EWSR1: variants seen among roughly 807,000 people sequenced by gnomAD.
EWSR1 encodes EWS RNA binding protein 1, also known as RNA-binding protein EWS.
Under a neutral mutation model 92.1 loss-of-function variants are expected in EWSR1, and 14 were observed. That is an observed-to-expected ratio of 0.15 (90% CI 0.10 to 0.24). The LOEUF (loss-of-function observed/expected upper bound fraction) is 0.24, where lower values mean the gene tolerates loss of function less well. EWSR1 is among the 10% of genes least tolerant of loss of function. The pLI, the probability that EWSR1 is intolerant of heterozygous loss-of-function variation, is 1.00. For missense variants in EWSR1, 637 were observed against 870.9 expected, an observed-to-expected ratio of 0.73 and a Z score of 3.38; for synonymous variants, 303 against 292.9, an observed-to-expected ratio of 1.03 and a Z score of -0.35.
At chr22:29,274,165 G>T (rs1334455994) in intron 4 of EWSR1, 5 of 1,230,860 alleles carry the variant, frequency 4.1e-6, no homozygotes, top group Non-Finnish European at 4.8e-6. Context: ...GAGTAAGAAT[G>T]AGTCTTCTTA....
At chr22:29,272,694 T>C (rs2058775168) in intron 3 of EWSR1, among the ~76,000 whole-genome samples, 1 of 152,238 alleles carries the variant, frequency 6.6e-6, no homozygotes, top group African/African-American at 2.4e-5. Flanking sequence ...GCTTGGTCCT[T>C]CTTCATTATG....
chr22:29,283,763 A>AC (rs1251558429), intron 6 of EWSR1, among the ~76,000 whole-genome samples: 28 of 149,928 alleles, frequency 1.9e-4, no homozygotes, highest in Non-Finnish European at 1.3e-4. Context: ...GGAATTCCTG[A>AC]CCTCAGGTGA....
chr22:29,299,672 CGGTGGAATGTTCAGAGGTGGCCGT>C lies in EWSR1; in HGVS notation c.1759_1782del (p.Met587_Gly594del), dbSNP rs1378094584. 6.2e-7 allele frequency: 1 copy of C among 1,611,834 alleles called. No individual in the cohort carries two copies. Among genetic ancestry groups the C allele is most frequent in the Non-Finnish European group, 8.5e-7 (1 of 1,179,126 alleles). ...GTGGCCTCATGGATCGTGGTGGTCC[CGGTGGAATGTTCAGAGGTGGCCGT>C]GGTGGAGACAGAGGTGGCTTCCGTG... On this transcript the variant is annotated inframe_deletion, in exon 16 of 17. Transcript: ENST00000397938.
intron 7 of EWSR1, among the ~76,000 whole-genome samples, chr22:29,288,185 C>T (rs750465910): frequency 9.2e-5 from 14 of 152,172 alleles, no homozygotes; most frequent in Non-Finnish European, 1.3e-4. Flanking sequence ...ACGGGGATTT[C>T]TCAACAACTC....
At chr22:29,271,276 TA>T (rs112905794) in intron 1 of EWSR1, among the ~76,000 whole-genome samples, 56 of 151,642 alleles carry the variant, frequency 3.7e-4, no homozygotes, top group African/African-American at 1.1e-3. Context: ...TAACTGCCTT[TA>T]AAAAAAAACT....
At position 29,292,549 on chromosome 22, in the gene EWSR1, T is replaced by A; in HGVS notation, c.1107T>A (p.Asn369Lys). 1.2e-6 allele frequency: 2 copies of A among 1,614,056 alleles called. No homozygotes were observed. The highest frequency in any genetic ancestry group is 2.2e-5 in the South Asian group (2 of 91,086). The change falls in exon 11 of 17, where the codon AAT (asparagine) becomes AAA (lysine). Residue 369 changes from asparagine to lysine, a missense_variant. Physicochemically the swap from Asn to Lys is moderately conservative, Grantham distance 94 (BLOSUM62 0). Transcript: ENST00000397938. The part of the protein sequence containing the change: ...DNSAIYVQGL[N>K]DSVTLDDLAD... ...GTGCAATTTATGTACAAGGATTAAA[T>A]GACAGTGTGACTCTAGATGATCTGG...
At chr22:29,288,563 G>T in intron 7 of EWSR1, 43 bp from the exon 8 acceptor site, 1 of 1,555,594 alleles carries the variant, frequency 6.4e-7, no homozygotes, top group Non-Finnish European at 8.7e-7. Flanking sequence ...AGGCAGTGGT[G>T]TAAATGCTGG....
At position 29,291,711 on chromosome 22, in the gene EWSR1, A is replaced by G. The variant is rs1055590361; in HGVS notation, c.1012+112A>G. The stretch of plus-strand genomic sequence containing the variant: ...AAGTGGTTTAAAAATGATCTATACA[A>G]AAGAGACTAATGGGTACTGCCGGCA... On this transcript the variant is annotated intron_variant, in intron 9 of 16. Coordinates refer to ENST00000397938, the MANE Select transcript of EWSR1 (RefSeq NM_005243.4). 1.3e-5 allele frequency: 13 copies of G among 1,016,406 alleles called. No individual in the cohort carries two copies. The Admixed American group carries it at 2.7e-4, about 21-fold the overall frequency. 63.0% of individuals were successfully genotyped at this position (1,016,406 alleles called of 1,614,324 possible). A position where few individuals can be genotyped will look rare whatever the true frequency, so the allele number is the denominator to read the frequency against.
In EWSR1 at chr22:29,278,044, A is replaced by C. The variant is rs768951742; in HGVS notation, c.241A>C (p.Thr81Pro). The change falls in exon 5 of 17, where the codon ACT becomes CCT. Residue 81 changes from threonine to proline, a missense_variant. Thr to Pro is a conservative substitution (Grantham distance 38). This residue lies in a region of EWSR1 where 144 missense variants were observed against 189.0 expected (regional missense o/e 0.76). Coordinates refer to ENST00000397938, the MANE Select transcript of EWSR1 (RefSeq NM_005243.4). ...CTTTGTTCTAGGTTATACTACTCCA[A>C]CTGCCCCCCAGGCATACAGCCAGCC... ...GQPPTGYTTP[T>P]APQAYSQPVQ... 2 of 1,613,800 alleles carry C rather than the reference A, an allele frequency of 1.2e-6. No homozygotes were observed. Among genetic ancestry groups the C allele is most frequent in the Admixed American group, 3.3e-5 (2 of 60,002 alleles).
rs115283640 is a variant in EWSR1 at position 29,296,374 on chromosome 22, A to G, written c.1294+6A>G. The G allele has an allele frequency of 6.2e-7, 1 of 1,613,804 alleles. No individual in the cohort carries two copies. The highest frequency in any genetic ancestry group is 1.1e-5 in the South Asian group (1 of 91,036). On this transcript the variant is annotated splice_donor_region_variant and intron_variant, in intron 12 of 16. Coordinates refer to ENST00000397938, the MANE Select transcript of EWSR1 (RefSeq NM_005243.4). ...TGCCGTGGAATGGTTTGATGGTGAG[A>G]TGTACTCACTGGCATTCTTAATCTC...
intron 7 of EWSR1, 29 bp from the exon 8 acceptor site, chr22:29,288,577 A>T: frequency 6.3e-7 from 1 of 1,587,324 alleles, no homozygotes; most frequent in African/African-American, 1.4e-5. Flanking sequence ...ATGCTGGTCC[A>T]TGGCTTACAG....
At chr22:29,289,545 G>A (rs762164131) in intron 8 of EWSR1, 6 of 232,112 alleles carry the variant, frequency 2.6e-5, no homozygotes, top group Admixed American at 2.3e-4. Context: ...TCTGTACTTT[G>A]ATGAAGGTGA....
chr22:29,274,445 C>T (rs2058944157), intron 4 of EWSR1: 1 of 683,746 alleles, frequency 1.5e-6, no homozygotes, highest in Non-Finnish European at 2.6e-6. Flanking sequence ...ATTTGCAGAT[C>T]CATGTCCTAT....
chr22:29,275,407 A>G (rs1206789033), intron 4 of EWSR1, among the ~76,000 whole-genome samples: 1 of 152,170 alleles, frequency 6.6e-6, no homozygotes, highest in Non-Finnish European at 1.5e-5. Context: ...GTGGGCCTAA[A>G]AAGTACAGGT....
At chr22:29,297,534 A>G (rs1376664757) in intron 12 of EWSR1, among the ~76,000 whole-genome samples, 2 of 152,144 alleles carry the variant, frequency 1.3e-5, no homozygotes, top group Non-Finnish European at 2.9e-5. Context: ...TCTACAAACA[A>G]TTTTGTAAAA....
chr22:29,279,288 G>A (rs948124966), intron 5 of EWSR1, among the ~76,000 whole-genome samples: 1 of 152,200 alleles, frequency 6.6e-6, no homozygotes, highest in African/African-American at 2.4e-5. Flanking sequence ...CAGGCAGGAG[G>A]GGAAGGGAGC....
chr22:29,278,205 T>C lies in EWSR1; in HGVS notation c.402T>C (p.Thr134=). The C allele has an allele frequency of 6.2e-7, 1 of 1,614,042 alleles. No homozygotes were observed. Among genetic ancestry groups the C allele is most frequent in the Non-Finnish European group, 8.5e-7 (1 of 1,179,946 alleles). ...YPAYGQQPAA[T]APTRPQDGNK... is the part of the protein sequence containing the mutation. ...CCTATGGGCAGCAGCCAGCAGCCACTGCACCTACAAGGTAAGGCCATGGTG... is the reference window on the plus strand; with the variant it reads ...CCTATGGGCAGCAGCCAGCAGCCACCGCACCTACAAGGTAAGGCCATGGTG... Residue 134 remains threonine, a synonymous_variant, in exon 5 of 17, where the codon ACT becomes ACC. Transcript: ENST00000397938.
At chr22:29,284,553 G>A (rs1180246806) in intron 6 of EWSR1, among the ~76,000 whole-genome samples, 3 of 151,204 alleles carry the variant, frequency 2.0e-5, no homozygotes, top group Non-Finnish European at 4.4e-5. Context: ...AATCTGGCAA[G>A]TTGGATAGGT....
chr22:29,272,046 T>G (rs2058721091), intron 1 of EWSR1, among the ~76,000 whole-genome samples, 170 bp from the exon 2 acceptor site: 1 of 152,086 alleles, frequency 6.6e-6, no homozygotes, highest in South Asian at 2.1e-4. Flanking sequence ...TGGTTTAGAC[T>G]TTTTTTTCTG....
Sources: gnomAD v4.1 joint callset for allele counts (sites outside exome capture counted in the v4.1 genomes callset) on GRCh38, gnomAD v4.1.1 for gene constraint, gnomAD v4.1.1 regional missense constraint, MANE v1.5 for transcripts, NCBI Gene and HGNC (gene_info 2026-07-23, HGNC 2026-07-21) for gene names.